The following ADGRB3 variants were observed in gnomAD, a reference collection of about 807,000 sequenced individuals.
The protein encoded by ADGRB3 is adhesion G protein-coupled receptor B3, also known as brain-specific angiogenesis inhibitor 3.
Under a neutral mutation model 193.4 loss-of-function variants are expected in ADGRB3, and 37 were observed. The observed-to-expected ratio is 0.19, with a 90% confidence interval of 0.15 to 0.25. ADGRB3 has a LOEUF of 0.25. Among genes scored for constraint, ADGRB3 ranks in the 10% least tolerant of loss-of-function variants. ADGRB3 has a pLI of 1.00. For synonymous variants in ADGRB3, 690 were observed against 644.2 expected (o/e 1.07, Z -1.08); for missense variants, 1,637 against 1,852.9 (o/e 0.88, Z 2.14).
Position 68,759,473 on chromosome 6 carries a change from T to C in ADGRB3, c.757+120041T>C, listed in dbSNP as rs1394861013. ...TCACTAATTATATCTGTTAATTCTT[T>C]TGTTTTAGTTCACTATTAATTCCTA... On this transcript the variant is annotated intron_variant, in intron 3 of 31. Coordinates refer to ENST00000370598, the MANE Select transcript of ADGRB3 (RefSeq NM_001704.3). Among the ~76,000 whole-genome samples the C allele has an allele frequency of 5.3e-5, 8 of 152,146 alleles. No individual in the cohort carries two copies. The East Asian group carries it at 1.5e-3, about 29-fold the overall frequency.
chr6:69,236,187 CT>C (rs1766263084), intron 19 of ADGRB3, among the ~76,000 whole-genome samples: 1 of 151,850 alleles, frequency 6.6e-6, no homozygotes. Flanking sequence ...AATTTTTACT[CT>C]TTTGAGAGCA....
chr6:69,041,770 C>A (rs1475408925), intron 13 of ADGRB3, among the ~76,000 whole-genome samples: 1 of 152,024 alleles, frequency 6.6e-6, no homozygotes, highest in Non-Finnish European at 1.5e-5. Context: ...CTATGCCTGA[C>A]AAATATATAT....
rs369265854 is a variant in ADGRB3, at chr6:69,324,856, T to C, written c.2815-16T>C. 1 of 1,612,642 alleles carries C rather than the reference T, an allele frequency of 6.2e-7. No homozygotes were observed. The highest frequency in any genetic ancestry group is 1.3e-5 in the African/African-American group (1 of 74,950). ...CCAGGTTCAGTGTGAGTCTTTTTGT[T>C]TGTTTGTTTCCACAGAGTATCTGCA... On this transcript the variant is annotated splice_polypyrimidine_tract_variant and intron_variant, in intron 20 of 31. Transcript: ENST00000370598.
intron 3 of ADGRB3, among the ~76,000 whole-genome samples, chr6:68,807,633 G>A (rs1448868421): frequency 6.6e-6 from 1 of 151,974 alleles, no homozygotes; most frequent in African/African-American, 2.4e-5. Flanking sequence ...GAAGCAGTAC[G>A]ATAATGATAC....
chr6:69,080,556 G>A (rs374297721), intron 17 of ADGRB3, among the ~76,000 whole-genome samples: 3 of 151,798 alleles, frequency 2.0e-5, no homozygotes, highest in Non-Finnish European at 4.4e-5. Flanking sequence ...TAGTAACCAC[G>A]TAAAACAGCA....
At chr6:69,069,980 A>G (rs1043972470) in intron 16 of ADGRB3, among the ~76,000 whole-genome samples, 3 of 152,124 alleles carry the variant, frequency 2.0e-5, no homozygotes, top group African/African-American at 7.2e-5. Flanking sequence ...AAGAGAGACA[A>G]TACAGTGTCA....
intron 26 of ADGRB3, among the ~76,000 whole-genome samples, chr6:69,353,315 T>C (rs1769267117): frequency 6.6e-6 from 1 of 152,218 alleles, no homozygotes; most frequent in African/African-American, 2.4e-5. Context: ...TTAAGGAAGT[T>C]TGGCTTTGCA....
intron 26 of ADGRB3, among the ~76,000 whole-genome samples, chr6:69,343,589 T>C (rs1231772136): frequency 6.6e-6 from 1 of 152,178 alleles, no homozygotes; most frequent in Non-Finnish European, 1.5e-5. Context: ...AACTATTTGT[T>C]CTGACCTTCA....
At chr6:69,240,340 A>G (rs1766358391) in intron 20 of ADGRB3, among the ~76,000 whole-genome samples, 1 of 152,052 alleles carries the variant, frequency 6.6e-6, no homozygotes, top group Non-Finnish European at 1.5e-5. Context: ...AACAAAAATG[A>G]CAACCCCATC....
intron 20 of ADGRB3, among the ~76,000 whole-genome samples, chr6:69,320,724 C>T (rs533492567): frequency 2.0e-5 from 3 of 151,494 alleles, no homozygotes; most frequent in South Asian, 4.2e-4. Context: ...CTGATTTCTT[C>T]GTCAATATCT....
Position 68,956,827 on chromosome 6 carries a change from T to G in ADGRB3, c.1525+18T>G. 1 of 1,600,942 alleles carries G rather than the reference T, an allele frequency of 6.2e-7. No individual in the cohort carries two copies. Among genetic ancestry groups the G allele is most frequent in the Non-Finnish European group, 8.5e-7 (1 of 1,172,022 alleles). On this transcript the variant is annotated intron_variant, in intron 8 of 31. Transcript: ENST00000370598. ...ATGCCCTGGTGAGAATGAACCCAAA[T>G]TATCCCAAAAGAAACATTTCATAAC...
chr6:68,684,613 T>G (rs1483150666), intron 3 of ADGRB3, among the ~76,000 whole-genome samples: 5 of 152,126 alleles, frequency 3.3e-5, no homozygotes, highest in Non-Finnish European at 7.4e-5. Context: ...GAACTTGATT[T>G]CCATTGGGAG....
intron 8 of ADGRB3, 21 bp from the exon 9 acceptor site, chr6:68,974,742 T>C: frequency 6.2e-7 from 1 of 1,608,804 alleles, no homozygotes; most frequent in South Asian, 1.1e-5. Flanking sequence ...GACATTCAAG[T>C]CCCTTTGTTT....
chr6:69,227,487 C>G (rs749909234), intron 17 of ADGRB3, among the ~76,000 whole-genome samples: 1 of 152,048 alleles, frequency 6.6e-6, no homozygotes, highest in South Asian at 2.1e-4. Flanking sequence ...GGGTAAATGG[C>G]GAGAAACACA....
intron 20 of ADGRB3, among the ~76,000 whole-genome samples, chr6:69,267,905 C>G (rs1349507158): frequency 6.6e-6 from 1 of 152,132 alleles, no homozygotes; most frequent in Non-Finnish European, 1.5e-5. Flanking sequence ...TTTCCTGTTT[C>G]AATGGCTCTG....
chr6:68,710,556 A>G (rs1765392662), intron 3 of ADGRB3, among the ~76,000 whole-genome samples: 1 of 152,112 alleles, frequency 6.6e-6, no homozygotes, highest in African/African-American at 2.4e-5. Flanking sequence ...TATTTTCATA[A>G]TATTTCTAGT....
intron 3 of ADGRB3, among the ~76,000 whole-genome samples, chr6:68,821,245 A>G (rs1278991718): frequency 2.0e-5 from 3 of 152,120 alleles, no homozygotes; most frequent in Admixed American, 1.3e-4. Flanking sequence ...ATTGCTTTTC[A>G]TATTCTATGT....
At chr6:68,679,856 T>C (rs1020401063) in intron 3 of ADGRB3, among the ~76,000 whole-genome samples, 13 of 152,290 alleles carry the variant, frequency 8.5e-5, no homozygotes, top group Middle Eastern at 3.4e-3. Flanking sequence ...ACTTAAAAAA[T>C]AGTCAAATAA....
intron 3 of ADGRB3, among the ~76,000 whole-genome samples, chr6:68,760,417 G>T (rs562069681): frequency 3.2e-4 from 48 of 152,262 alleles, no homozygotes; most frequent in Non-Finnish European, 5.4e-4. Context: ...TGTATGGGAG[G>T]TTAATTTTCC....
Sources: gnomAD v4.1 joint callset for allele counts (sites outside exome capture counted in the v4.1 genomes callset) on GRCh38, gnomAD v4.1.1 for gene constraint, MANE v1.5 for transcripts, NCBI Gene and HGNC (gene_info 2026-07-23, HGNC 2026-07-21) for gene names.